The following SS18 variants were observed in gnomAD, a reference collection of about 807,000 sequenced individuals.
SS18 encodes protein SSXT.
In SS18, 28 loss-of-function variants were observed where a neutral mutation model predicts 72.5. The observed-to-expected ratio is 0.39, with a 90% CI of 0.29 to 0.53. The LOEUF (loss-of-function observed/expected upper bound fraction) is 0.53, where lower values mean the gene tolerates loss of function less well. Ranked by LOEUF, SS18 falls within the 20% of genes least tolerant of loss-of-function variation. The probability of loss-of-function intolerance (pLI) is 0.76; values close to 1 mark genes in which losing one functional copy is unlikely to be tolerated. For synonymous variants in SS18, 172 were observed against 164.2 expected (o/e 1.05, Z -0.37); for missense variants, 518 against 535.3 (o/e 0.97, Z 0.32).
At chr18:26,055,110 CATCCTTTGGT>C (rs1055621033) in intron 4 of SS18, among the ~76,000 whole-genome samples, 1 of 152,050 alleles carries the variant, frequency 6.6e-6, no homozygotes, top group Non-Finnish European at 1.5e-5. Context: ...GGCGGCTAGG[CATCCTTTGGT>C]ATCCTTTGAT....
chr18:26,088,974 C>G (rs957719067), intron 1 of SS18, among the ~76,000 whole-genome samples: 2 of 152,162 alleles, frequency 1.3e-5, no homozygotes, highest in African/African-American at 4.8e-5. Flanking sequence ...TTAAAAAGCA[C>G]GAATCCAGTC....
At chr18:26,047,259 C>CAAAAAAAAAAAAAAA (rs71169806) in intron 5 of SS18, among the ~76,000 whole-genome samples, 36 of 75,678 alleles carry the variant, frequency 4.8e-4, no homozygotes, top group Middle Eastern at 8.3e-3. Flanking sequence ...AGTAATATGC[C>CAAAAAAAAAAAAAAA]AAAAAAAAAA....
chr18:26,090,416 C>G, intron 1 of SS18, 85 bp downstream of exon 1: 3 of 1,388,396 alleles, frequency 2.2e-6, no homozygotes, highest in Non-Finnish European at 3.0e-6. Flanking sequence ...TCGGCCCGGT[C>G]GACTCCGGGC....
intron 7 of SS18, among the ~76,000 whole-genome samples, chr18:26,036,752 T>C (rs943638734): frequency 5.3e-5 from 8 of 152,126 alleles, no homozygotes; most frequent in African/African-American, 1.9e-4. Flanking sequence ...AACATTATAC[T>C]CAGTGCTCTA....
At chr18:26,052,559 C>T in intron 5 of SS18, 65 bp downstream of exon 5, 2 of 1,314,958 alleles carry the variant, frequency 1.5e-6, no homozygotes, top group Non-Finnish European at 2.2e-6. Flanking sequence ...AACCTGACAA[C>T]AATCATTTTA....
At chr18:26,079,489 C>T (rs2054478441) in intron 2 of SS18, among the ~76,000 whole-genome samples, 1 of 152,164 alleles carries the variant, frequency 6.6e-6, no homozygotes, top group Non-Finnish European at 1.5e-5. Flanking sequence ...TAAGTTTTTT[C>T]AGCTAAAGTT....
chr18:26,047,259 C>CAAAAAAAAAAAAAAAAAAAAAAA (rs71169806), intron 5 of SS18, among the ~76,000 whole-genome samples: 1 of 75,716 alleles, frequency 1.3e-5, no homozygotes, highest in Non-Finnish European at 2.8e-5. Context: ...AGTAATATGC[C>CAAAAAAAAAAAAAAAAAAAAAAA]AAAAAAAAAA....
intron 10 of SS18, among the ~76,000 whole-genome samples, chr18:26,023,832 AT>A (rs1203903593): frequency 1.4e-5 from 2 of 140,124 alleles, no homozygotes; most frequent in African/African-American, 6.5e-5. Context: ...ACATGGGTCA[AT>A]TTAAAAATTT....
intron 1 of SS18, among the ~76,000 whole-genome samples, chr18:26,088,475 T>C (rs995959949): frequency 2.0e-5 from 3 of 152,360 alleles, no homozygotes; most frequent in East Asian, 1.9e-4. Context: ...TTACAGACTT[T>C]ATGAGTTTAC....
At chr18:26,077,733 G>C (rs921866160) in intron 3 of SS18, among the ~76,000 whole-genome samples, 2 of 152,144 alleles carry the variant, frequency 1.3e-5, no homozygotes, top group Admixed American at 6.5e-5. Context: ...GTCTGACAGA[G>C]ATGCATATGG....
rs149416540 is a variant in SS18 at position 26,080,351 on chromosome 18, A to G, written c.147-2191T>C. Reference sequence around the variant, plus strand: ...AGTTTTCCTTTGCTTGAGTATTAGTATGGTTGCACGACATGAGATTTTCTG... The same window carrying G: ...AGTTTTCCTTTGCTTGAGTATTAGTGTGGTTGCACGACATGAGATTTTCTG... On this transcript the variant is annotated intron_variant, in intron 2 of 10. Transcript: ENST00000415083. The G allele has an allele frequency of 1.8e-3, 1,754 of 984,446 alleles. 2 individuals carry two copies. Among genetic ancestry groups the G allele is most frequent in the Middle Eastern group, 2.6e-3 (5 of 1,914 alleles). 61.0% of individuals were successfully genotyped at this position (984,446 alleles called of 1,614,324 possible).
intron 5 of SS18, among the ~76,000 whole-genome samples, chr18:26,049,973 G>A (rs1295571176): frequency 1.3e-5 from 2 of 152,226 alleles, no homozygotes; most frequent in African/African-American, 2.4e-5. Context: ...TGGGCCCAGC[G>A]CAGTGGCTTG....
chr18:26,080,356 T>G (rs2054495838), intron 2 of SS18: 1 of 985,440 alleles, frequency 1.0e-6, no homozygotes, highest in Admixed American at 6.1e-5. Flanking sequence ...TTAGTATGGT[T>G]GCACGACATG....
At chr18:26,052,308 C>T (rs578262644) in intron 5 of SS18, among the ~76,000 whole-genome samples, 1 of 152,152 alleles carries the variant, frequency 6.6e-6, no homozygotes. Context: ...AATGAAGGAG[C>T]AGGTGTTTAT....
chr18:26,059,696 C>A (rs1240497371), intron 3 of SS18, among the ~76,000 whole-genome samples: 9 of 152,208 alleles, frequency 5.9e-5, no homozygotes, highest in Non-Finnish European at 1.5e-5. Context: ...TTAATAGATT[C>A]AAGGTAACCT....
chr18:26,079,711 T>C (rs536557462), intron 2 of SS18, among the ~76,000 whole-genome samples: 56 of 152,184 alleles, frequency 3.7e-4, no homozygotes, highest in African/African-American at 8.2e-4. Context: ...GCCTCCCAAG[T>C]AGCTGGGCCC....
chr18:26,048,410 A>C (rs894401415), intron 5 of SS18, among the ~76,000 whole-genome samples: 1 of 152,240 alleles, frequency 6.6e-6, no homozygotes, highest in African/African-American at 2.4e-5. Flanking sequence ...TTGCCATTTA[A>C]AAAATGAGAA....
chr18:26,053,269 G>C lies in SS18; in HGVS notation c.386-424C>G, dbSNP rs560386273. On this transcript the variant is annotated intron_variant, in intron 4 of 10. Coordinates refer to ENST00000415083, the MANE Select transcript of SS18 (RefSeq NM_001007559.3). ...CAATAGAAAACTAATTCAGTAAATG[G>C]TATTGTGACAACTGGGGAGCCATCT... Among the ~76,000 whole-genome samples the C allele has an allele frequency of 2.0e-5, 3 of 152,198 alleles. No homozygotes were observed. The South Asian group carries it at 6.2e-4, about 32-fold the overall frequency.
Position 26,050,310 on chromosome 18 carries a change from C to A in SS18, c.607+2314G>T, listed in dbSNP as rs140883656. Among the ~76,000 whole-genome samples the A allele has an allele frequency of 4.9e-3, 744 of 150,656 alleles. 9 individuals are homozygous for A. The highest frequency in any genetic ancestry group is 0.017 in the African/African-American group (700 of 41,220). On this transcript the variant is annotated intron_variant, in intron 5 of 10. Transcript: ENST00000415083. ...CCCTCTAAGAGAACACAGAGAAAAA[C>A]ATTTTGCAATACTAGCTTAGTTGCT... is the stretch of plus-strand genomic sequence containing the variant.
Sources: allele counts gnomAD v4.1 joint callset (sites outside exome capture counted in the v4.1 genomes callset), GRCh38; gene constraint gnomAD v4.1.1; transcripts MANE v1.5; gene names NCBI Gene and HGNC (gene_info 2026-07-23, HGNC 2026-07-21).